The following CALN1 variants were observed in gnomAD, a reference collection of about 807,000 sequenced individuals.
The protein encoded by CALN1 is calcium-binding protein 8.
In CALN1, 17 loss-of-function variants were observed where a neutral mutation model predicts 30.6. That is an observed-to-expected ratio of 0.56 (90% CI 0.38 to 0.83). The LOEUF is 0.83. Ranked by LOEUF, CALN1 falls within the 40% of genes least tolerant of loss-of-function variation. CALN1 has a pLI of 0.00. For missense variants in CALN1, 291 were observed against 354.9 expected, an observed-to-expected ratio of 0.82 and a Z score of 1.45; for synonymous variants, 156 against 131.4, an observed-to-expected ratio of 1.19 and a Z score of -1.28.
intron 3 of CALN1, among the ~76,000 whole-genome samples, chr7:72,110,873 G>A (rs1045104971): frequency 2.0e-5 from 3 of 151,972 alleles, no homozygotes; most frequent in Non-Finnish European, 4.4e-5. Context: ...AAATATGCCC[G>A]TAAAACCCAC....
chr7:72,398,992 G>A (rs943479969), intron 2 of CALN1, among the ~76,000 whole-genome samples: 1 of 152,132 alleles, frequency 6.6e-6, no homozygotes, highest in African/African-American at 2.4e-5. Flanking sequence ...CACCTTGACA[G>A]GCTAGAAAAA....
At chr7:72,071,398 GCAGCA>G (rs1343924724) in intron 4 of CALN1, among the ~76,000 whole-genome samples, 3 of 152,130 alleles carry the variant, frequency 2.0e-5, no homozygotes, top group African/African-American at 4.8e-5. Flanking sequence ...GGATTTAGAG[GCAGCA>G]CTATTTTCCC....
At chr7:71,894,536 G>A (rs6967264) in intron 5 of CALN1, among the ~76,000 whole-genome samples, 38,895 of 152,094 alleles carry the variant, frequency 0.26, 5,780 homozygotes, top group African/African-American at 0.41. Context: ...CTCCCAGAGT[G>A]GTGGGATTAC....
chr7:72,330,613 C>G (rs368194996), intron 2 of CALN1, among the ~76,000 whole-genome samples: 8 of 152,252 alleles, frequency 5.3e-5, no homozygotes, highest in African/African-American at 1.7e-4. Context: ...GGTACCATCT[C>G]TGTCTGACGA....
chr7:72,023,130 A>T (rs895367583), intron 5 of CALN1, among the ~76,000 whole-genome samples: 20 of 152,260 alleles, frequency 1.3e-4, no homozygotes, highest in African/African-American at 4.8e-4. Context: ...TATAAAAATG[A>T]TTTCATTATA....
At position 71,964,639 on chromosome 7, in the gene CALN1, C is replaced by T. The variant is rs575745840; in HGVS notation, c.501+59018G>A. Among the ~76,000 whole-genome samples the T allele has an allele frequency of 3.3e-4, 50 of 150,994 alleles. No homozygotes were observed. The South Asian group carries it at 9.8e-3, about 30-fold the overall frequency. ...ATCACGCCACTGCACTCCAGCCTGG[C>T]AACAGAGCGAGACTCTGTCTCAAAA... On this transcript the variant is annotated intron_variant, in intron 5 of 6. Coordinates refer to ENST00000395275, the MANE Select transcript of CALN1 (RefSeq NM_031468.4).
chr7:71,825,839 C>A (rs1788876468), intron 5 of CALN1, among the ~76,000 whole-genome samples: 1 of 151,818 alleles, frequency 6.6e-6, no homozygotes, highest in Non-Finnish European at 1.5e-5. Flanking sequence ...TCAAGACCAG[C>A]CTGACCAACA....
At chr7:71,881,207 A>G (rs1188036610) in intron 5 of CALN1, among the ~76,000 whole-genome samples, 4 of 152,172 alleles carry the variant, frequency 2.6e-5, no homozygotes, top group African/African-American at 9.7e-5. Context: ...CCTTTTGGCC[A>G]CAGACTGAAG....
At chr7:72,502,594 AACT>A in the CALN1 span, among the ~76,000 whole-genome samples, 47 of 152,140 alleles carry the variant, frequency 3.1e-4, no homozygotes, top group African/African-American at 1.1e-3. Flanking sequence ...TTTCTATTTA[AACT>A]ACTATTTCTT....
intron 2 of CALN1, among the ~76,000 whole-genome samples, chr7:72,354,057 G>A (rs1272751059): frequency 6.6e-6 from 1 of 151,932 alleles, no homozygotes; most frequent in Non-Finnish European, 1.5e-5. Context: ...CGTGGTGGTG[G>A]GCCCCTCTAA....
chr7:72,189,494 C>T (rs561064241), intron 3 of CALN1, among the ~76,000 whole-genome samples: 11 of 152,238 alleles, frequency 7.2e-5, no homozygotes, highest in East Asian at 1.9e-4. Context: ...TGGTGGCTCA[C>T]GCCTGTAATC....
chr7:72,147,481 G>GATGTGGAGAAACAGGAAC lies in CALN1; in HGVS notation c.245-41188_245-41187insGTTCCTGTTTCTCCACAT, dbSNP rs775589538. The stretch of plus-strand genomic sequence containing the variant: ...TCAGGAAACAACAGGTGTTGGAGAG[G>GATGTGGAGAAACAGGAAC]ACTGTTACACTGTTGGTGGGACTGT... On this transcript the variant is annotated intron_variant, in intron 3 of 6. Transcript: ENST00000395275. Among the ~76,000 whole-genome samples the GATGTGGAGAAACAGGAAC allele has an allele frequency of 2.8e-4, 28 of 100,906 alleles. 1 individual carries two copies. Among genetic ancestry groups the GATGTGGAGAAACAGGAAC allele is most frequent in the African/African-American group, 1.0e-3 (27 of 26,302 alleles). 66.2% of individuals were successfully genotyped at this position (100,906 alleles called of 152,430 possible).
At chr7:72,084,601 T>C (rs1047795426) in intron 4 of CALN1, among the ~76,000 whole-genome samples, 9 of 152,172 alleles carry the variant, frequency 5.9e-5, no homozygotes, top group African/African-American at 1.9e-4. Flanking sequence ...CCTCATGTGA[T>C]CCACCCGCCT....
intron 3 of CALN1, among the ~76,000 whole-genome samples, chr7:72,198,371 C>T (rs1016020369): frequency 1.3e-5 from 2 of 152,134 alleles, no homozygotes; most frequent in African/African-American, 4.8e-5. Flanking sequence ...GGCAAAGGAT[C>T]GCAGGTACCT....
In CALN1 at chr7:72,322,795, T is replaced by A. The variant is rs539135702; in HGVS notation, c.120-43985A>T. ...GTCAAAAATAATTTAATTTTAAATT[T>A]AAAAATTTAAAATCCCTTGTTCATA... On this transcript the variant is annotated intron_variant, in intron 2 of 6. Coordinates refer to ENST00000395275, the MANE Select transcript of CALN1 (RefSeq NM_031468.4). 4.7e-3 allele frequency among the ~76,000 whole-genome samples: 714 copies of A among 152,086 alleles called. 2 individuals are homozygous for A. The highest frequency in any genetic ancestry group is 0.016 in the African/African-American group (677 of 41,474).
At chr7:72,432,830 T>A (rs947117395) in intron 1 of CALN1, among the ~76,000 whole-genome samples, 4 of 152,132 alleles carry the variant, frequency 2.6e-5, no homozygotes, top group Non-Finnish European at 5.9e-5. Flanking sequence ...CATCAGCAAT[T>A]TTACTGTCTT....
At chr7:72,311,308 C>A (rs77200325) in intron 2 of CALN1, among the ~76,000 whole-genome samples, 3 of 152,046 alleles carry the variant, frequency 2.0e-5, no homozygotes, top group Non-Finnish European at 4.4e-5. Context: ...ATCAAATACA[C>A]AAAATATGTG....
intron 3 of CALN1, among the ~76,000 whole-genome samples, chr7:72,248,618 C>A (rs1000291988): frequency 2.0e-5 from 3 of 152,140 alleles, no homozygotes; most frequent in African/African-American, 7.2e-5. Context: ...CATTATTATT[C>A]CCACCCAGAT....
intron 2 of CALN1, among the ~76,000 whole-genome samples, chr7:72,327,977 GATGT>G (rs1055059568): frequency 5.4e-4 from 82 of 152,114 alleles, no homozygotes; most frequent in African/African-American, 1.8e-3. Flanking sequence ...ACAAAATTTA[GATGT>G]ATGTATTTGA....
Sources: allele counts gnomAD v4.1 joint callset (sites outside exome capture counted in the v4.1 genomes callset), GRCh38; gene constraint gnomAD v4.1.1; transcripts MANE v1.5; gene names NCBI Gene and HGNC (gene_info 2026-07-23, HGNC 2026-07-21).